GLIS3: variants seen among roughly 807,000 people sequenced by gnomAD.
GLIS3 encodes GLIS family zinc finger 3.
In GLIS3, 53 loss-of-function variants were observed where a neutral mutation model predicts 78.6. The observed-to-expected ratio is 0.67, with a 90% CI of 0.54 to 0.85. GLIS3 has a LOEUF of 0.85. GLIS3 is among the 40% of genes least tolerant of loss of function. The pLI, the probability that GLIS3 is intolerant of heterozygous loss-of-function variation, is 0.00. For missense variants in GLIS3, 1,703 were observed against 1,231.1 expected, an observed-to-expected ratio of 1.38 and a Z score of -5.74; for synonymous variants, 684 against 509.9, an observed-to-expected ratio of 1.34 and a Z score of -4.60.
intron 2 of GLIS3, among the ~76,000 whole-genome samples, chr9:4,187,666 T>C (rs1485049119): frequency 6.6e-6 from 1 of 152,212 alleles, no homozygotes; most frequent in East Asian, 1.9e-4. Context: ...TCCTCTTTTA[T>C]TTCACTGAGC....
At chr9:4,480,542 TA>T in the GLIS3 span, among the ~76,000 whole-genome samples, 1 of 152,134 alleles carries the variant, frequency 6.6e-6, no homozygotes, top group Non-Finnish European at 1.5e-5. Context: ...GAATATGGCA[TA>T]TTCTTTCTCA....
chr9:4,358,957 C>A, the GLIS3 span, among the ~76,000 whole-genome samples: 1 of 152,144 alleles, frequency 6.6e-6, no homozygotes, highest in African/African-American at 2.4e-5. Context: ...TGGCTGGGTT[C>A]CTAATCCCTT....
Position 4,060,598 on chromosome 9 carries a change from G to C in GLIS3, c.1710+57170C>G, listed in dbSNP as rs148396276. ...CTTGTGGCTTTATGAGAAGAGAAGA[G>C]AGACCTGAGTTAGTTCGTTCAGACC... On this transcript the variant is annotated intron_variant, in intron 4 of 10. Transcript: ENST00000381971. Among the ~76,000 whole-genome samples, 66 of 152,248 alleles carry C rather than the reference G, an allele frequency of 4.3e-4. No individual in the cohort carries two copies. In the East Asian group the frequency reaches 0.012, roughly 29 times the overall value.
chr9:4,154,172 T>C (rs575393264), intron 2 of GLIS3, among the ~76,000 whole-genome samples: 12 of 152,330 alleles, frequency 7.9e-5, no homozygotes, highest in African/African-American at 2.2e-4. Flanking sequence ...CTCCAACAGA[T>C]GTAGCATCAC....
chr9:4,033,326 G>T (rs535389830), intron 4 of GLIS3, among the ~76,000 whole-genome samples: 7 of 152,116 alleles, frequency 4.6e-5, no homozygotes, highest in Non-Finnish European at 1.0e-4. Context: ...CCTTAAGGCT[G>T]CAGCGCACCC....
At chr9:3,995,668 G>T (rs191585549) in intron 4 of GLIS3, among the ~76,000 whole-genome samples, 56 of 152,094 alleles carry the variant, frequency 3.7e-4, no homozygotes, top group African/African-American at 1.3e-3. Flanking sequence ...TTTAAAAAAA[G>T]CTTCACTTAT....
chr9:3,946,807 A>C (rs1243936169), intron 4 of GLIS3, among the ~76,000 whole-genome samples: 2 of 152,220 alleles, frequency 1.3e-5, no homozygotes, highest in African/African-American at 4.8e-5. Context: ...AAAGGAAAAG[A>C]AACTGTTTTA....
intron 4 of GLIS3, among the ~76,000 whole-genome samples, chr9:4,045,207 C>CTT (rs1468796408): frequency 1.3e-5 from 2 of 152,138 alleles, no homozygotes; most frequent in African/African-American, 4.8e-5. Context: ...GCATCCTTAT[C>CTT]GTAAGCCCTA....
At chr9:3,852,316 G>A (rs898606484) in intron 9 of GLIS3, among the ~76,000 whole-genome samples, 4 of 152,146 alleles carry the variant, frequency 2.6e-5, no homozygotes, top group African/African-American at 7.2e-5. Context: ...CTACGGCAGG[G>A]AGTATAGAAG....
intron 9 of GLIS3, among the ~76,000 whole-genome samples, chr9:3,838,933 A>G (rs1199602625): frequency 6.6e-6 from 1 of 152,190 alleles, no homozygotes; most frequent in African/African-American, 2.4e-5. Context: ...AACGTTGCTG[A>G]AAAAGCTCCT....
chr9:4,406,424 G>C, the GLIS3 span, among the ~76,000 whole-genome samples: 1 of 152,114 alleles, frequency 6.6e-6, no homozygotes, highest in African/African-American at 2.4e-5. Context: ...AGGTTCCAGC[G>C]ATTCTCCTGC....
the GLIS3 span, among the ~76,000 whole-genome samples, chr9:4,473,752 C>T: frequency 3.9e-5 from 6 of 151,942 alleles, no homozygotes; most frequent in East Asian, 9.7e-4. Context: ...ACCTACATAA[C>T]CAACCTGCAC....
At chr9:4,411,744 A>G in the GLIS3 span, among the ~76,000 whole-genome samples, 3 of 152,236 alleles carry the variant, frequency 2.0e-5, no homozygotes, top group Non-Finnish European at 2.9e-5. Flanking sequence ...TAACCCATGG[A>G]CAAGTGGCTT....
At chr9:4,240,267 G>A (rs967386558) in intron 2 of GLIS3, among the ~76,000 whole-genome samples, 3 of 152,012 alleles carry the variant, frequency 2.0e-5, no homozygotes, top group African/African-American at 4.8e-5. Flanking sequence ...ATTATCATAA[G>A]GAACGCACAA....
chr9:4,372,973 T>A, the GLIS3 span, among the ~76,000 whole-genome samples: 7 of 152,184 alleles, frequency 4.6e-5, no homozygotes, highest in African/African-American at 1.7e-4. Context: ...GTGCAGTGAT[T>A]GGTACTAGTA....
intron 4 of GLIS3, among the ~76,000 whole-genome samples, chr9:4,101,362 G>A (rs1251272994): frequency 2.6e-5 from 4 of 151,990 alleles, no homozygotes; most frequent in Admixed American, 1.3e-4. Flanking sequence ...TTTCTCTCTG[G>A]GGTCCAAAAT....
chr9:3,832,898 T>C (rs1027796279), intron 9 of GLIS3, among the ~76,000 whole-genome samples: 2 of 152,200 alleles, frequency 1.3e-5, no homozygotes, highest in Non-Finnish European at 2.9e-5. Flanking sequence ...GGGACAATGA[T>C]AGAGACTTTC....
At chr9:4,169,423 C>T (rs1183736286) in intron 2 of GLIS3, among the ~76,000 whole-genome samples, 1 of 152,150 alleles carries the variant, frequency 6.6e-6, no homozygotes, top group Admixed American at 6.5e-5. Flanking sequence ...AGAAAGAACA[C>T]AGGAGAATGA....
chr9:3,898,958 G>A (rs995973547), intron 6 of GLIS3, 123 bp from the exon 7 acceptor site: 28 of 1,198,448 alleles, frequency 2.3e-5, no homozygotes, highest in East Asian at 1.7e-4. Context: ...CAGCAACTAC[G>A]GGTAAGGCAC....
Sources: gnomAD v4.1 joint callset for allele counts (sites outside exome capture counted in the v4.1 genomes callset) on GRCh38, gnomAD v4.1.1 for gene constraint, MANE v1.5 for transcripts, NCBI Gene and HGNC (gene_info 2026-07-23, HGNC 2026-07-21) for gene names.